TP63: variants seen among roughly 807,000 people sequenced by gnomAD.
TP63 encodes tumor protein 63.
Under a neutral mutation model 82.8 loss-of-function variants are expected in TP63, and 17 were observed. The ratio of observed to expected loss-of-function variants is 0.21; its 90% CI spans 0.14 to 0.31. The LOEUF (loss-of-function observed/expected upper bound fraction) is 0.31, where lower values mean the gene tolerates loss of function less well. Ranked by LOEUF, TP63 falls within the 10% of genes least tolerant of loss-of-function variation. The pLI, the probability that TP63 is intolerant of heterozygous loss-of-function variation, is 1.00. For synonymous variants in TP63, 330 were observed against 321.7 expected, an observed-to-expected ratio of 1.03 and a Z score of -0.28; for missense variants, 648 against 895.3, an observed-to-expected ratio of 0.72 and a Z score of 3.52.
intron 1 of TP63, among the ~76,000 whole-genome samples, chr3:189,672,897 A>C (rs1443487095): frequency 2.6e-5 from 4 of 152,074 alleles, no homozygotes; most frequent in Non-Finnish European, 5.9e-5. Flanking sequence ...AAGCAAAAGA[A>C]TACCACGATC....
intron 3 of TP63, among the ~76,000 whole-genome samples, chr3:189,788,580 G>T (rs1446502042): frequency 1.3e-5 from 2 of 151,758 alleles, no homozygotes; most frequent in East Asian, 1.9e-4. Flanking sequence ...GTCCCTGAGT[G>T]GGGGGTGGGG....
chr3:189,759,413 T>C (rs1722407865), intron 3 of TP63, among the ~76,000 whole-genome samples: 2 of 152,194 alleles, frequency 1.3e-5, no homozygotes. Context: ...GAAAACTCTG[T>C]AAAATATTTG....
intron 4 of TP63, among the ~76,000 whole-genome samples, chr3:189,833,809 C>T (rs925768928): frequency 6.6e-6 from 1 of 152,074 alleles, no homozygotes; most frequent in Non-Finnish European, 1.5e-5. Flanking sequence ...ATCTCTACTC[C>T]ACTGAATTTA....
chr3:189,657,567 A>G (rs909325047), intron 1 of TP63, among the ~76,000 whole-genome samples: 1 of 152,156 alleles, frequency 6.6e-6, no homozygotes, highest in African/African-American at 2.4e-5. Context: ...CAATTTAACA[A>G]TATTGCAACA....
At chr3:189,850,800 A>T (rs1399475862) in intron 4 of TP63, among the ~76,000 whole-genome samples, 1 of 152,212 alleles carries the variant, frequency 6.6e-6, no homozygotes, top group Non-Finnish European at 1.5e-5. Context: ...TGTATTAAAA[A>T]TGTATGGGAG....
the TP63 span, among the ~76,000 whole-genome samples, chr3:189,620,052 G>A: frequency 2.6e-5 from 4 of 152,174 alleles, no homozygotes; most frequent in East Asian, 1.9e-4. Flanking sequence ...AAAAAAGAGC[G>A]GAAGAAGGGG....
At chr3:189,620,402 CG>C in the TP63 span, among the ~76,000 whole-genome samples, 1 of 148,956 alleles carries the variant, frequency 6.7e-6, no homozygotes, top group African/African-American at 2.5e-5. Context: ...CCCAGCTTCT[CG>C]GGAGGCTGAG....
chr3:189,645,068 C>A (rs1272884705), intron 1 of TP63, among the ~76,000 whole-genome samples: 1 of 152,064 alleles, frequency 6.6e-6, no homozygotes, highest in Non-Finnish European at 1.5e-5. Context: ...TTGTTATGTA[C>A]CTGTTACCCA....
chr3:189,868,024 T>A, intron 7 of TP63, 82 bp downstream of exon 7: 1 of 1,118,634 alleles, frequency 8.9e-7, no homozygotes, highest in Non-Finnish European at 1.3e-6. Context: ...GCTTTATCAT[T>A]AATTTTGCAT....
rs956395930 is a variant in TP63 at position 189,818,930 on chromosome 3, A to G, written c.579+10404A>G. ...GAAAAGGAATTTGAGAACATGATTT[A>G]TGTGTTAGACCCAGAGTTTGTCTTT... is the stretch of plus-strand genomic sequence containing the variant. On this transcript the variant is annotated intron_variant, in intron 4 of 13. Transcript: ENST00000264731. Among the ~76,000 whole-genome samples, 7 of 152,156 alleles carry G rather than the reference A, an allele frequency of 4.6e-5. No individual in the cohort carries two copies. The South Asian group carries it at 8.3e-4, about 18-fold the overall frequency.
intron 3 of TP63, among the ~76,000 whole-genome samples, chr3:189,786,796 A>C (rs1401464002): frequency 6.6e-6 from 1 of 152,056 alleles, no homozygotes; most frequent in Non-Finnish European, 1.5e-5. Context: ...CATTGACGTA[A>C]AATCCTTGCA....
At chr3:189,713,413 G>A (rs1484882657) in intron 1 of TP63, among the ~76,000 whole-genome samples, 1 of 152,114 alleles carries the variant, frequency 6.6e-6, no homozygotes, top group African/African-American at 2.4e-5. Context: ...TGAGTTTTTG[G>A]ATAAATACTT....
intron 1 of TP63, among the ~76,000 whole-genome samples, chr3:189,718,842 C>T (rs949741703): frequency 6.6e-6 from 1 of 151,808 alleles, no homozygotes; most frequent in African/African-American, 2.4e-5. Context: ...TACTTTTGAG[C>T]TTTACTTTGA....
chr3:189,777,845 C>CTTTTTTTTTTTTTTT (rs55731981), intron 3 of TP63, among the ~76,000 whole-genome samples: 24 of 37,772 alleles, frequency 6.4e-4, no homozygotes, highest in Non-Finnish European at 7.8e-4. Flanking sequence ...TCTTCTTCTT[C>CTTTTTTTTTTTTTTT]TTTTTTTTTT....
At chr3:189,789,729 C>T (rs1560185108) in intron 3 of TP63, 26 of 1,482,586 alleles carry the variant, frequency 1.8e-5, no homozygotes, top group Middle Eastern at 1.7e-4. Context: ...GTAAGGGTCT[C>T]GGGGTGGGGG....
At chr3:189,856,527 A>G (rs1250397949) in intron 4 of TP63, among the ~76,000 whole-genome samples, 1 of 152,000 alleles carries the variant, frequency 6.6e-6, no homozygotes, top group Non-Finnish European at 1.5e-5. Context: ...GCAGTCACAT[A>G]AAAATAAAAA....
chr3:189,894,166 C>T (rs377188450), intron 13 of TP63, 40 bp from the exon 14 acceptor site: 1 of 1,613,472 alleles, frequency 6.2e-7, no homozygotes, highest in Non-Finnish European at 8.5e-7. Flanking sequence ...CGTTTTTCTC[C>T]CTGTTTTCAT....
At chr3:189,839,743 C>T (rs535630919) in intron 4 of TP63, among the ~76,000 whole-genome samples, 1 of 152,328 alleles carries the variant, frequency 6.6e-6, no homozygotes, top group East Asian at 1.9e-4. Context: ...GGACCAAGCA[C>T]TGTACCCTGA....
chr3:189,641,794 A>T (rs981206483), intron 1 of TP63, among the ~76,000 whole-genome samples: 3 of 152,176 alleles, frequency 2.0e-5, no homozygotes, highest in African/African-American at 7.2e-5. Context: ...AGGAAAGCAA[A>T]CTTATACATG....
Sources: allele counts gnomAD v4.1 joint callset (sites outside exome capture counted in the v4.1 genomes callset), GRCh38; gene constraint gnomAD v4.1.1; transcripts MANE v1.5; gene names NCBI Gene and HGNC (gene_info 2026-07-23, HGNC 2026-07-21).